The following RNF4 variants were observed in gnomAD, a reference collection of about 807,000 sequenced individuals.
The protein encoded by RNF4 is E3 ubiquitin-protein ligase RNF4.
A neutral mutation model predicts 24.3 loss-of-function variants in RNF4; 7 were observed. That is an observed-to-expected ratio of 0.29 (90% confidence interval 0.16 to 0.54). The LOEUF is 0.54. Among genes scored for constraint, RNF4 ranks in the 20% least tolerant of loss-of-function variants. The pLI is 0.95. For synonymous variants in RNF4, 83 were observed against 84.3 expected (o/e 0.98, Z 0.09); for missense variants, 209 against 248.5 (o/e 0.84, Z 1.07).
At chr4:2,497,880 C>A (rs942820475) in intron 3 of RNF4, among the ~76,000 whole-genome samples, 1 of 152,254 alleles carries the variant, frequency 6.6e-6, no homozygotes, top group East Asian at 1.9e-4. Context: ...GTGATCCACC[C>A]GTCTCGGCCT....
chr4:2,496,489 C>T (rs1375940299), intron 2 of RNF4, among the ~76,000 whole-genome samples: 2 of 152,046 alleles, frequency 1.3e-5, no homozygotes, highest in East Asian at 3.9e-4. Context: ...GAGATGGAGT[C>T]TCACACTGTC....
At chr4:2,479,619 C>T (rs1051299806) in intron 1 of RNF4, among the ~76,000 whole-genome samples, 2 of 152,170 alleles carry the variant, frequency 1.3e-5, no homozygotes, top group Admixed American at 1.3e-4. Flanking sequence ...TTGCCTTCCA[C>T]CTTGATTGTG....
In RNF4 at chr4:2,512,115, A is replaced by T. The variant is rs2269490; in HGVS notation, c.214+150A>T. The T allele has an allele frequency of 4.0e-5, 28 of 700,382 alleles. No homozygotes were observed. The highest frequency in any genetic ancestry group is 1.9e-5 in the South Asian group (1 of 54,018). 43.4% of individuals were successfully genotyped at this position (700,382 alleles called of 1,614,324 possible). A position where few individuals can be genotyped will look rare whatever the true frequency, so the allele number is the denominator to read the frequency against. ...CTTCGCAGATGCTGTGGTCAGACCC[A>T]CACAGCCAGTCCCCCTTGTGCCTGC... On this transcript the variant is annotated intron_variant, in intron 5 of 7. Coordinates refer to ENST00000314289, the MANE Select transcript of RNF4 (RefSeq NM_002938.5). This position sits in a 1 kb window ranked among gnomAD's most constrained non-coding sequence, Gnocchi z 4.1.
chr4:2,505,714 A>G (rs1255276788), intron 4 of RNF4: 1 of 127,588 alleles, frequency 7.8e-6, no homozygotes, highest in East Asian at 2.4e-4. Context: ...AGCTTCAATC[A>G]TGGTCTGCCT....
intron 1 of RNF4, among the ~76,000 whole-genome samples, chr4:2,473,718 G>T (rs1368691678): frequency 1.3e-5 from 2 of 152,034 alleles, no homozygotes; most frequent in Admixed American, 6.6e-5. Flanking sequence ...AGCTGAGGCA[G>T]AGAATTGCTT....
At chr4:2,504,652 G>A (rs1370222494) in intron 4 of RNF4, among the ~76,000 whole-genome samples, 3 of 149,930 alleles carry the variant, frequency 2.0e-5, no homozygotes, top group African/African-American at 4.9e-5. Flanking sequence ...CTGGGTTCAC[G>A]CCATTCTCCT....
At chr4:2,484,397 C>G (rs1309385858) in intron 1 of RNF4, among the ~76,000 whole-genome samples, 1 of 152,036 alleles carries the variant, frequency 6.6e-6, no homozygotes, top group Non-Finnish European at 1.5e-5. Flanking sequence ...TTCCTGTTTC[C>G]TGCCCGCCTG....
In RNF4 at chr4:2,469,174, G is replaced by C. The variant is rs866858427; in HGVS notation, c.-242G>C. ...GAGCTCTCCTGGGCGGCTGAAGAAG[G>C]AGCTTCTTCTCCGGAGTGCGCCGGC... On this transcript the variant is annotated 5_prime_UTR_variant, in exon 1 of 8. Transcript: ENST00000314289. 3.3e-5 allele frequency: 5 copies of C among 152,348 alleles called. No homozygotes were observed. In the East Asian group the frequency reaches 7.7e-4, roughly 24 times the overall value. The allele number at this position is 152,348 out of a possible 1,614,324, so 9.4% of individuals were successfully genotyped here. A position where few individuals can be genotyped will look rare whatever the true frequency, so the allele number is the denominator to read the frequency against.
rs201229382 is a variant in RNF4 at position 2,512,584 on chromosome 4, G to C, written c.361G>C (p.Ala121Pro). 5 of 1,613,628 alleles carry C rather than the reference G, an allele frequency of 3.1e-6. No homozygotes were observed. In the African/African-American group the frequency reaches 6.7e-5, roughly 22 times the overall value. Residue 121 changes from alanine to proline, a missense_variant, in exon 6 of 8, where the codon GCT becomes CCT. Ala to Pro is a conservative substitution (Grantham distance 27). Coordinates refer to ENST00000314289, the MANE Select transcript of RNF4 (RefSeq NM_002938.5). The surrounding 1 kb of genome is among the most constrained non-coding windows in gnomAD (Gnocchi z 4.1). ...TCCCAGAAACGCCAGGGATGAGGGC[G>C]CTACAGGCCTCAGGTACCAACGTGC... ...HTPRNARDEG[A>P]TGLRPSGTVS...
intron 1 of RNF4, among the ~76,000 whole-genome samples, chr4:2,487,452 A>G (rs565997433): frequency 6.6e-6 from 1 of 152,086 alleles, no homozygotes; most frequent in East Asian, 1.9e-4. Context: ...CACCCGGCTA[A>G]TTTTTATATT....
chr4:2,470,827 C>CT lies in RNF4; in HGVS notation c.-158+1580dup, dbSNP rs35847184. Among the ~76,000 whole-genome samples the CT allele has an allele frequency of 1.7e-3, 258 of 147,954 alleles. 3 individuals carry two copies. Among genetic ancestry groups the CT allele is most frequent in the Non-Finnish European group, 9.0e-4 (60 of 66,670 alleles). ...TTTTATTGTGTTTTGCAAATACTGC[C>CT]TTTTTTTTTTTGCAAGGTGAAGGTT... On this transcript the variant is annotated intron_variant, in intron 1 of 7. Coordinates refer to ENST00000314289, the MANE Select transcript of RNF4 (RefSeq NM_002938.5).
At position 2,484,576 on chromosome 4, in the gene RNF4, A is replaced by G. The variant is rs139117774; in HGVS notation, c.-157-5761A>G. Among the ~76,000 whole-genome samples, 571 of 151,908 alleles carry G rather than the reference A, an allele frequency of 3.8e-3. 5 individuals carry two copies. Among genetic ancestry groups the G allele is most frequent in the African/African-American group, 0.012 (509 of 41,402 alleles). On this transcript the variant is annotated intron_variant, in intron 1 of 7. Transcript: ENST00000314289. ...AGGAGCATCTGCACATCGTATACAT[A>G]TATACCATGAATACACATAATTATA...
At chr4:2,484,920 C>A (rs1735360561) in intron 1 of RNF4, among the ~76,000 whole-genome samples, 1 of 152,134 alleles carries the variant, frequency 6.6e-6, no homozygotes, top group Non-Finnish European at 1.5e-5. Flanking sequence ...AAATGCAGAT[C>A]TCAACATGTC....
chr4:2,497,494 T>G (rs562289176), intron 3 of RNF4, among the ~76,000 whole-genome samples: 1 of 152,292 alleles, frequency 6.6e-6, no homozygotes, highest in East Asian at 1.9e-4. Flanking sequence ...CAGAGCTCCC[T>G]GTGTTGGAGC....
intron 1 of RNF4, among the ~76,000 whole-genome samples, chr4:2,470,524 C>G (rs938014213): frequency 1.3e-5 from 2 of 152,190 alleles, no homozygotes; most frequent in Admixed American, 1.3e-4. Flanking sequence ...GTTTATTGAT[C>G]TTTTCTTGAA....
In RNF4 at chr4:2,512,295, G is replaced by C; in HGVS notation, c.215-143G>C. ...CTCCAGAGCTGGGCAGAACCTTCTG[G>C]GTTATAGCTGAGCATGGCAGCAGTT... On this transcript the variant is annotated intron_variant, in intron 5 of 7. Coordinates refer to ENST00000314289, the MANE Select transcript of RNF4 (RefSeq NM_002938.5). The surrounding 1 kb of genome is among the most constrained non-coding windows in gnomAD (Gnocchi z 4.1). 7.9e-6 allele frequency: 8 copies of C among 1,007,108 alleles called. No individual in the cohort carries two copies. Among genetic ancestry groups the C allele is most frequent in the Non-Finnish European group, 1.2e-5 (8 of 663,916 alleles). The allele number at this position is 1,007,108 out of a possible 1,614,324, so 62.4% of individuals were successfully genotyped here.
At chr4:2,498,457 G>A (rs975896957) in intron 3 of RNF4, among the ~76,000 whole-genome samples, 4 of 152,028 alleles carry the variant, frequency 2.6e-5, no homozygotes, top group Admixed American at 6.6e-5. Context: ...CAAAGTGCTG[G>A]GATTACAGGC....
intron 1 of RNF4, among the ~76,000 whole-genome samples, chr4:2,473,380 T>C (rs1395677744): frequency 1.3e-5 from 2 of 150,466 alleles, no homozygotes; most frequent in East Asian, 3.9e-4. Flanking sequence ...AGATTCCGTC[T>C]TAAAAAAAAA....
At chr4:2,475,560 G>A (rs979904483) in intron 1 of RNF4, among the ~76,000 whole-genome samples, 6 of 151,512 alleles carry the variant, frequency 4.0e-5, no homozygotes, top group Non-Finnish European at 8.8e-5. Context: ...GGATGGTCTC[G>A]ATCTCCTGAC....
Sources: allele counts gnomAD v4.1 joint callset (sites outside exome capture counted in the v4.1 genomes callset), GRCh38; gene constraint gnomAD v4.1.1; non-coding constraint Gnocchi (gnomAD v3.1); transcripts MANE v1.5; gene names NCBI Gene and HGNC (gene_info 2026-07-23, HGNC 2026-07-21).